Variants in IMMP2L observed in about 807,000 individuals in gnomAD.
IMMP2L encodes inner mitochondrial membrane peptidase subunit 2.
IMMP2L carries 18 observed loss-of-function variants against 19.3 expected under a neutral mutation model. The observed-to-expected ratio is 0.93, with a 90% CI of 0.64 to 1.38. The LOEUF (loss-of-function observed/expected upper bound fraction) is 1.38. Ranked by LOEUF, IMMP2L falls within the 40% of genes most tolerant of loss-of-function variation. The pLI, the probability that IMMP2L is intolerant of heterozygous loss-of-function variation, is 0.00. For missense variants in IMMP2L, 233 were observed against 218.2 expected, an observed-to-expected ratio of 1.07 and a Z score of -0.43; for synonymous variants, 76 against 73.0, an observed-to-expected ratio of 1.04 and a Z score of -0.21.
At chr7:110,701,921 T>A (rs542777374) in intron 5 of IMMP2L, among the ~76,000 whole-genome samples, 1 of 152,048 alleles carries the variant, frequency 6.6e-6, no homozygotes, top group South Asian at 2.1e-4. Context: ...TGTTGCTGAA[T>A]GGTTTCCTTT....
intron 4 of IMMP2L, among the ~76,000 whole-genome samples, chr7:110,931,856 C>T (rs259012): frequency 0.53 from 80,664 of 151,918 alleles, 22,774 homozygotes; most frequent in East Asian, 0.81. Context: ...CAGAGGACCC[C>T]TTTTTCCCTT....
At chr7:110,802,368 TGC>T (rs1801321283) in intron 5 of IMMP2L, among the ~76,000 whole-genome samples, 1 of 146,392 alleles carries the variant, frequency 6.8e-6, no homozygotes, top group Admixed American at 6.9e-5. Flanking sequence ...TGTGTGTGTG[TGC>T]CTGTGTCTGT....
chr7:110,676,663 G>A (rs1315356859), intron 5 of IMMP2L, among the ~76,000 whole-genome samples: 1 of 152,176 alleles, frequency 6.6e-6, no homozygotes, highest in Non-Finnish European at 1.5e-5. Flanking sequence ...CAGTTCTTCA[G>A]AAAACAGTAT....
At chr7:110,820,801 A>G (rs1427597588) in intron 5 of IMMP2L, among the ~76,000 whole-genome samples, 1 of 152,090 alleles carries the variant, frequency 6.6e-6, no homozygotes, top group African/African-American at 2.4e-5. Context: ...ACACCGAACT[A>G]AGAAGTGTTG....
intron 3 of IMMP2L, among the ~76,000 whole-genome samples, chr7:111,232,112 C>A (rs1249342191): frequency 6.6e-6 from 1 of 151,956 alleles, no homozygotes; most frequent in Non-Finnish European, 1.5e-5. Context: ...ATTTTCTCCA[C>A]AATTTTAAGT....
At position 111,292,153 on chromosome 7, in the gene IMMP2L, T is replaced by C. The variant is rs138360740; in HGVS notation, c.239+195085A>G. Among the ~76,000 whole-genome samples the C allele has an allele frequency of 5.8e-3, 889 of 152,298 alleles. 16 individuals are homozygous for C. Among genetic ancestry groups the C allele is most frequent in the African/African-American group, 0.019 (810 of 41,574 alleles). On this transcript the variant is annotated intron_variant, in intron 3 of 5. Coordinates refer to ENST00000405709, the MANE Select transcript of IMMP2L (RefSeq NM_032549.4). ...GAACCACTCATGGCCTCTGTGTCTA[T>C]GATTTCACTGAACTTGAAGACTGTA...
intron 3 of IMMP2L, among the ~76,000 whole-genome samples, chr7:111,188,183 T>G (rs7795220): frequency 0.98 from 149,501 of 152,206 alleles, 73,451 homozygotes; most frequent in East Asian, 1. Flanking sequence ...CTCTCTTGCT[T>G]TTTCAATAAC....
At chr7:111,018,257 A>G (rs528724220) in intron 3 of IMMP2L, among the ~76,000 whole-genome samples, 19 of 152,312 alleles carry the variant, frequency 1.2e-4, no homozygotes, top group African/African-American at 3.8e-4. Context: ...ACCTGGCAGC[A>G]TGGTGGGACA....
At chr7:111,290,792 CTT>C (rs1040474225) in intron 3 of IMMP2L, among the ~76,000 whole-genome samples, 1 of 149,228 alleles carries the variant, frequency 6.7e-6, no homozygotes, top group African/African-American at 2.5e-5. Flanking sequence ...CTCTGTCTCT[CTT>C]TCTCTCTCTC....
chr7:110,813,650 G>C (rs1802211261), intron 5 of IMMP2L, among the ~76,000 whole-genome samples: 1 of 151,726 alleles, frequency 6.6e-6, no homozygotes, highest in Non-Finnish European at 1.5e-5. Flanking sequence ...GGCTACCAGA[G>C]GGAATGGTGG....
intron 3 of IMMP2L, among the ~76,000 whole-genome samples, chr7:111,230,829 TG>T (rs942231402): frequency 6.6e-6 from 1 of 151,924 alleles, no homozygotes; most frequent in Non-Finnish European, 1.5e-5. Flanking sequence ...AGCACAGATA[TG>T]GGAATATTTG....
chr7:111,147,503 A>G (rs1037717979), intron 3 of IMMP2L, among the ~76,000 whole-genome samples: 5 of 152,080 alleles, frequency 3.3e-5, no homozygotes, highest in African/African-American at 1.2e-4. Flanking sequence ...CCTGTTGGCA[A>G]TATCTCTAAG....
intron 3 of IMMP2L, among the ~76,000 whole-genome samples, chr7:111,042,432 C>G (rs1196242570): frequency 6.6e-6 from 1 of 152,218 alleles, no homozygotes; most frequent in Non-Finnish European, 1.5e-5. Context: ...CCACCCGCCT[C>G]AGCCTCCCAA....
At chr7:110,823,222 C>A (rs1436936978) in intron 5 of IMMP2L, among the ~76,000 whole-genome samples, 2 of 151,936 alleles carry the variant, frequency 1.3e-5, no homozygotes, top group Admixed American at 6.6e-5. Flanking sequence ...TGACTTTTTT[C>A]TTTCAATAAG....
Position 110,728,506 on chromosome 7 carries a change from TAAATA to T in IMMP2L, c.409-64790_409-64786del, listed in dbSNP as rs1360797199. Among the ~76,000 whole-genome samples, 1 of 151,804 alleles carries T rather than the reference TAAATA, an allele frequency of 6.6e-6. No individual in the cohort carries two copies. Among genetic ancestry groups the T allele is most frequent in the Non-Finnish European group, 1.5e-5 (1 of 67,972 alleles). On this transcript the variant is annotated intron_variant, in intron 5 of 5. Transcript: ENST00000405709. This position sits in a 1 kb window ranked among gnomAD's most constrained non-coding sequence, Gnocchi z 4.6. ...AGAGTGAGACTCCGTCTCAAAAAAA[TAAATA>T]AAATAAAATAAAATAACAATATTAA...
Position 111,511,078 on chromosome 7 carries a change from A to C in IMMP2L, c.135+10235T>G, listed in dbSNP as rs138108991. On this transcript the variant is annotated intron_variant, in intron 2 of 5. Coordinates refer to ENST00000405709, the MANE Select transcript of IMMP2L (RefSeq NM_032549.4). The stretch of plus-strand genomic sequence containing the variant: ...TCCCATTTTCCACTGGCCAGACCTC[A>C]GTAACCTCTGATATCAGGAAAGATT... 6.2e-3 allele frequency among the ~76,000 whole-genome samples: 950 copies of C among 152,256 alleles called. 11 individuals are homozygous for C. The highest frequency in any genetic ancestry group is 0.02 in the African/African-American group (837 of 41,556).
chr7:111,342,866 A>C (rs904540957), intron 3 of IMMP2L, among the ~76,000 whole-genome samples: 2 of 152,068 alleles, frequency 1.3e-5, no homozygotes, highest in African/African-American at 4.8e-5. Context: ...GATTTCTTTA[A>C]AATTTAACAC....
rs1030594878 is a variant in IMMP2L at position 111,122,838 on chromosome 7, T to G, written c.240-159273A>C. 5.6e-6 allele frequency: 9 copies of G among 1,613,878 alleles called. No individual in the cohort carries two copies. In the African/African-American group the frequency reaches 9.3e-5, roughly 17 times the overall value. On this transcript the variant is annotated intron_variant, in intron 3 of 5. Transcript: ENST00000405709. ...TAGCTATCACTACACTAGTACAAGC[T>G]GTAGATAAAAAAGTGGATTGTCCAC...
chr7:111,129,476 T>A (rs1174072865), intron 3 of IMMP2L, among the ~76,000 whole-genome samples: 4 of 151,746 alleles, frequency 2.6e-5, no homozygotes, highest in Non-Finnish European at 5.9e-5. Context: ...CCCAAAAGGA[T>A]ATTTTGCAAT....
Sources: allele counts gnomAD v4.1 joint callset (sites outside exome capture counted in the v4.1 genomes callset), GRCh38; gene constraint gnomAD v4.1.1; non-coding constraint Gnocchi (gnomAD v3.1); transcripts MANE v1.5; gene names NCBI Gene and HGNC (gene_info 2026-07-23, HGNC 2026-07-21).